The following RAB10 variants were observed in gnomAD, a reference collection of about 807,000 sequenced individuals.
RAB10 encodes the protein ras-related protein Rab-10.
In RAB10, 5 loss-of-function variants were observed where a neutral mutation model predicts 25.7. The ratio of observed to expected loss-of-function variants is 0.19; its 90% CI spans 0.10 to 0.41. The LOEUF is 0.41. Ranked by LOEUF, RAB10 falls within the 10% of genes least tolerant of loss-of-function variation. RAB10 has a pLI of 1.00. For missense variants in RAB10, 103 were observed against 245.8 expected, an observed-to-expected ratio of 0.42 and a Z score of 3.89; for synonymous variants, 89 against 86.4, an observed-to-expected ratio of 1.03 and a Z score of -0.16.
intron 3 of RAB10, among the ~76,000 whole-genome samples, chr2:26,123,702 A>T (rs1041883585): frequency 1.3e-5 from 2 of 152,238 alleles, no homozygotes; most frequent in Non-Finnish European, 2.9e-5. Context: ...GACTGTAGAC[A>T]ATCTGGCAGA....
rs75448519 is a variant in RAB10, at chr2:26,044,798, G to A, written c.127+10063G>A. Among the ~76,000 whole-genome samples, 672 of 134,652 alleles carry A rather than the reference G, an allele frequency of 5.0e-3. 16 individuals are homozygous for A. The East Asian group carries it at 0.069, about 14-fold the overall frequency. The allele number at this position is 134,652 out of a possible 152,430, so 88.3% of individuals were successfully genotyped here. On this transcript the variant is annotated intron_variant, in intron 1 of 5. Transcript: ENST00000264710. ...TGACCTCAGGTGATCCACCTGCCTC[G>A]GCCTCCCAAAGTGCTGGGATTACAG...
intron 1 of RAB10, among the ~76,000 whole-genome samples, chr2:26,087,084 T>C (rs1667003857): frequency 6.6e-6 from 1 of 152,008 alleles, no homozygotes; most frequent in Non-Finnish European, 1.5e-5. Flanking sequence ...CACTTTATTT[T>C]TTCTTTTTTT....
chr2:26,119,758 A>G (rs926198412), intron 3 of RAB10, among the ~76,000 whole-genome samples: 5 of 152,168 alleles, frequency 3.3e-5, no homozygotes, highest in South Asian at 4.1e-4. Flanking sequence ...GGCTCAAGCA[A>G]TCTTCCTGCA....
Position 26,081,810 on chromosome 2 carries a change from T to A in RAB10, c.128-16852T>A, listed in dbSNP as rs80124561. Among the ~76,000 whole-genome samples, 127 of 152,310 alleles carry A rather than the reference T, an allele frequency of 8.3e-4. 2 individuals are homozygous for A. In the East Asian group the frequency reaches 0.021, roughly 25 times the overall value. ...TAAGCCGCAAGACAATGGAGTAATA[T>A]TTAAGTTCAGAAAGGAAAAGCTATC... On this transcript the variant is annotated intron_variant, in intron 1 of 5. Coordinates refer to ENST00000264710, the MANE Select transcript of RAB10 (RefSeq NM_016131.5).
rs1286082749 is a variant in RAB10, at chr2:26,055,369, C to T, written c.127+20634C>T. On this transcript the variant is annotated intron_variant, in intron 1 of 5. Coordinates refer to ENST00000264710, the MANE Select transcript of RAB10 (RefSeq NM_016131.5). ...TTGAGACAGTAGCTGGGATTACAGG[C>T]ATGCGACACCACACTTGGCTAATTT... 2.0e-5 allele frequency among the ~76,000 whole-genome samples: 3 copies of T among 151,202 alleles called. No homozygotes were observed. The East Asian group carries it at 5.8e-4, about 29-fold the overall frequency.
Position 26,057,620 on chromosome 2 carries a change from T to TTTCTTTCATTCA in RAB10, c.127+22888_127+22889insTTTCATTCATTC, listed in dbSNP as rs146580967. Among the ~76,000 whole-genome samples, 432 of 149,190 alleles carry TTTCTTTCATTCA rather than the reference T, an allele frequency of 2.9e-3. 3 individuals carry two copies. Among genetic ancestry groups the TTTCTTTCATTCA allele is most frequent in the African/African-American group, 6.9e-3 (277 of 40,258 alleles). ...CCTTATTTGACTAAAGGCAAGTTTC[T>TTTCTTTCATTCA]TTCATTCATTCATTCATTCAGAGAC... On this transcript the variant is annotated intron_variant, in intron 1 of 5. Coordinates refer to ENST00000264710, the MANE Select transcript of RAB10 (RefSeq NM_016131.5).
chr2:26,085,822 C>A (rs377589482), intron 1 of RAB10, among the ~76,000 whole-genome samples: 1 of 151,416 alleles, frequency 6.6e-6, no homozygotes, highest in East Asian at 2.0e-4. Flanking sequence ...CATGGAGAAA[C>A]CCTGTCTCTA....
chr2:26,096,959 C>T (rs1463237206), intron 1 of RAB10, among the ~76,000 whole-genome samples: 2 of 152,120 alleles, frequency 1.3e-5, no homozygotes, highest in Non-Finnish European at 2.9e-5. Flanking sequence ...CGGTGGCTCA[C>T]GCCTGTAATC....
At chr2:26,130,561 A>T (rs141445563) in intron 5 of RAB10, among the ~76,000 whole-genome samples, 14 of 151,768 alleles carry the variant, frequency 9.2e-5, no homozygotes, top group African/African-American at 3.1e-4. Context: ...CTCCTGCTTC[A>T]GCTTTCTGAG....
At chr2:26,077,186 TA>T (rs1226390207) in intron 1 of RAB10, among the ~76,000 whole-genome samples, 1 of 152,218 alleles carries the variant, frequency 6.6e-6, no homozygotes, top group Non-Finnish European at 1.5e-5. Context: ...TTTGATTTTT[TA>T]AAAAATCGTG....
Position 26,034,215 on chromosome 2 carries a change from G to A in RAB10, c.-394G>A, listed in dbSNP as rs1252178972. The A allele has an allele frequency of 7.0e-6, 3 of 428,770 alleles. No homozygotes were observed. The highest frequency in any genetic ancestry group is 2.0e-5 in the African/African-American group (1 of 49,342). The allele number at this position is 428,770 out of a possible 1,614,324, so 26.6% of individuals were successfully genotyped here. On this transcript the variant is annotated 5_prime_UTR_variant, in exon 1 of 6. It adds an upstream start codon to the 5' untranslated region. Transcript: ENST00000264710. ...GGTCCTTCTTCGCTGCCCTCGCCGCGTGCTAGCAGGGAGTTTCCGCTCGGG... is the reference window on the plus strand; with the variant it reads ...GGTCCTTCTTCGCTGCCCTCGCCGCATGCTAGCAGGGAGTTTCCGCTCGGG...
At chr2:26,084,450 AATG>A (rs1305524113) in intron 1 of RAB10, among the ~76,000 whole-genome samples, 2 of 152,240 alleles carry the variant, frequency 1.3e-5, no homozygotes, top group African/African-American at 2.4e-5. Context: ...ATATCGCAAT[AATG>A]AGGAAATCAT....
Position 26,034,271 on chromosome 2 carries a change from C to G in RAB10, c.-338C>G, listed in dbSNP as rs950355010. On this transcript the variant is annotated 5_prime_UTR_variant, in exon 1 of 6. Coordinates refer to ENST00000264710, the MANE Select transcript of RAB10 (RefSeq NM_016131.5). ...GACTGTCCTCACGCCCGCTGCGCCT[C>G]CTCGACGGCAGAGCAGGCTTGCTCG... 11 of 507,192 alleles carry G rather than the reference C, an allele frequency of 2.2e-5. No homozygotes were observed. Among genetic ancestry groups the G allele is most frequent in the Non-Finnish European group, 3.9e-5 (11 of 285,086 alleles). 31.4% of individuals were successfully genotyped at this position (507,192 alleles called of 1,614,324 possible). A position where few individuals can be genotyped will look rare whatever the true frequency, so the allele number is the denominator to read the frequency against.
chr2:26,038,705 G>A (rs959189184), intron 1 of RAB10, among the ~76,000 whole-genome samples: 9 of 151,424 alleles, frequency 5.9e-5, no homozygotes, highest in Non-Finnish European at 1.3e-4. Context: ...GGTGGATCAC[G>A]AGGTCAGGAG....
chr2:26,111,212 A>G (rs1339720332), intron 3 of RAB10, among the ~76,000 whole-genome samples: 2 of 152,130 alleles, frequency 1.3e-5, no homozygotes, highest in Non-Finnish European at 2.9e-5. Context: ...CCAAGATAAT[A>G]CCCCTAATGG....
At chr2:26,070,171 A>G (rs1487591176) in intron 1 of RAB10, among the ~76,000 whole-genome samples, 2 of 152,224 alleles carry the variant, frequency 1.3e-5, no homozygotes, top group Non-Finnish European at 2.9e-5. Context: ...TGGCTTTATC[A>G]CAGGATGTGG....
chr2:26,096,400 G>A (rs1667219572), intron 1 of RAB10, among the ~76,000 whole-genome samples: 1 of 139,198 alleles, frequency 7.2e-6, no homozygotes, highest in South Asian at 2.4e-4. Context: ...GTGGGTGGGC[G>A]GATGGATGGC....
intron 1 of RAB10, among the ~76,000 whole-genome samples, chr2:26,051,360 G>T (rs894140295): frequency 0.01 from 77 of 7,526 alleles, no homozygotes; most frequent in Non-Finnish European, 0.024. Flanking sequence ...CTCCCTTTTT[G>T]CCCCCCCCCC....
intron 3 of RAB10, among the ~76,000 whole-genome samples, chr2:26,119,167 G>A (rs1667753390): frequency 6.6e-6 from 1 of 152,152 alleles, no homozygotes; most frequent in African/African-American, 2.4e-5. Context: ...AGCACTTTGG[G>A]AATCCAAGGT....
Sources: gnomAD v4.1 joint callset for allele counts (sites outside exome capture counted in the v4.1 genomes callset) on GRCh38, gnomAD v4.1.1 for gene constraint, MANE v1.5 for transcripts, NCBI Gene and HGNC (gene_info 2026-07-23, HGNC 2026-07-21) for gene names.